Variants in HSD17B4 observed in about 807,000 individuals in gnomAD.
HSD17B4 encodes hydroxysteroid 17-beta dehydrogenase 4, also known as peroxisomal multifunctional enzyme type 2.
A neutral mutation model predicts 101.0 loss-of-function variants in HSD17B4; 70 were observed. That is an observed-to-expected ratio of 0.69 (90% CI 0.57 to 0.85). HSD17B4 has a LOEUF of 0.85. Ranked by LOEUF, HSD17B4 falls within the 40% of genes least tolerant of loss-of-function variation. The pLI is 0.00. For missense variants in HSD17B4, 984 were observed against 892.4 expected, an observed-to-expected ratio of 1.10 and a Z score of -1.31; for synonymous variants, 347 against 297.1, an observed-to-expected ratio of 1.17 and a Z score of -1.73.
intron 8 of HSD17B4, among the ~76,000 whole-genome samples, chr5:119,481,447 A>G (rs1194408895): frequency 6.6e-6 from 1 of 152,128 alleles, no homozygotes; most frequent in Non-Finnish European, 1.5e-5. Context: ...TTCTTTCAAC[A>G]CTTTAAATAC....
rs563182715 is a variant in HSD17B4, at chr5:119,471,661, A to G, written c.113-2247A>G. On this transcript the variant is annotated intron_variant, in intron 2 of 23. Coordinates refer to ENST00000510025, the MANE Select transcript of HSD17B4 (RefSeq NM_000414.4). ...CTTTCAAAATCTATGCAATAACCCT[A>G]TGGAGAAGATCATTTCACAATGCAG... 8.2e-6 allele frequency: 12 copies of G among 1,462,250 alleles called. No homozygotes were observed. The South Asian group carries it at 1.1e-4, about 13-fold the overall frequency. 90.6% of individuals were successfully genotyped at this position (1,462,250 alleles called of 1,614,324 possible). A position where few individuals can be genotyped will look rare whatever the true frequency, so the allele number is the denominator to read the frequency against.
chr5:119,476,079 A>T (rs1188968596), intron 6 of HSD17B4, among the ~76,000 whole-genome samples: 1 of 152,186 alleles, frequency 6.6e-6, no homozygotes, highest in Non-Finnish European at 1.5e-5. Context: ...ATGTTAAATC[A>T]TTTGTTTAGA....
At chr5:119,513,142 T>A (rs1752321890) in intron 16 of HSD17B4, among the ~76,000 whole-genome samples, 1 of 152,224 alleles carries the variant, frequency 6.6e-6, no homozygotes, top group Admixed American at 6.5e-5. Flanking sequence ...TGAAGTTGTA[T>A]CTATTCACAG....
chr5:119,452,738 G>A lies in HSD17B4; in HGVS notation c.58+105G>A, dbSNP rs78611678. 5,858 of 1,599,392 alleles carry A rather than the reference G, an allele frequency of 3.7e-3. 14 individuals are homozygous for A. Among genetic ancestry groups the A allele is most frequent in the Middle Eastern group, 7.1e-3 (43 of 6,024 alleles). On this transcript the variant is annotated intron_variant, in intron 1 of 23. Transcript: ENST00000510025. ...GCCGCAGCTGAGGTCACCCCGCTGA[G>A]GTGGTGGGGAGGGGAATGGTTATTC...
At chr5:119,467,809 C>T (rs1052023245) in intron 2 of HSD17B4, among the ~76,000 whole-genome samples, 24 of 152,260 alleles carry the variant, frequency 1.6e-4, no homozygotes, top group African/African-American at 5.8e-4. Flanking sequence ...GTGGAGTGTC[C>T]TGGAACAAAT....
intron 14 of HSD17B4, 91 bp downstream of exon 14, chr5:119,502,183 G>A (rs778390811): frequency 1.2e-6 from 1 of 842,006 alleles, no homozygotes; most frequent in East Asian, 2.4e-5. Context: ...CTGGTATAGA[G>A]TGACCTAATG....
rs192545941 is a variant in HSD17B4 at position 119,505,961 on chromosome 5, G to T, written c.1262-857G>T. ...TTGATGTTTGAAATTTAGCGATTCC[G>T]GTATTCTGACTGCTTTTACTGTTGA... On this transcript the variant is annotated intron_variant, in intron 14 of 23. Coordinates refer to ENST00000510025, the MANE Select transcript of HSD17B4 (RefSeq NM_000414.4). 2.4e-3 allele frequency among the ~76,000 whole-genome samples: 360 copies of T among 152,030 alleles called. 2 individuals carry two copies. The highest frequency in any genetic ancestry group is 0.018 in the South Asian group (85 of 4,806).
At chr5:119,476,858 C>A (rs1748636668) in intron 6 of HSD17B4, 1 of 239,078 alleles carries the variant, frequency 4.2e-6, no homozygotes, top group Non-Finnish European at 6.8e-6. Flanking sequence ...TTTGTTTTAC[C>A]AAAAATAAGT....
chr5:119,489,134 T>A, intron 8 of HSD17B4, 58 bp from the exon 9 acceptor site: 1 of 1,174,974 alleles, frequency 8.5e-7, no homozygotes, highest in Non-Finnish European at 1.3e-6. Flanking sequence ...ATTTTATAAG[T>A]AAGAAATTCT....
intron 17 of HSD17B4, among the ~76,000 whole-genome samples, chr5:119,516,756 A>T (rs1384427596): frequency 6.6e-6 from 1 of 152,222 alleles, no homozygotes; most frequent in Non-Finnish European, 1.5e-5. Context: ...AGTGTCATCT[A>T]TTGTCAAGGA....
chr5:119,525,999 T>C lies in HSD17B4; in HGVS notation c.1656T>C (p.Asp552=). The C allele has an allele frequency of 6.2e-7, 1 of 1,602,404 alleles. No homozygotes were observed. Among genetic ancestry groups the C allele is most frequent in the Non-Finnish European group, 8.6e-7 (1 of 1,169,546 alleles). Residue 552 remains aspartate, a synonymous_variant, in exon 19 of 24, where the codon GAT becomes GAC. Coordinates refer to ENST00000510025, the MANE Select transcript of HSD17B4 (RefSeq NM_000414.4). ...TGTTACAGCAGTTTGCAGATAATGA[T>C]GTGTCAAGATTCAAGGCAATTAAGG... The part of the protein sequence containing the change: ...RRVLQQFADN[D]VSRFKAIKAR...
intron 22 of HSD17B4, 96 bp downstream of exon 22, chr5:119,531,500 T>A (rs1052085506): frequency 1.3e-5 from 16 of 1,269,040 alleles, no homozygotes; most frequent in Non-Finnish European, 1.7e-5. Flanking sequence ...TAGGTAAATC[T>A]TACCTTTTTA....
intron 20 of HSD17B4, among the ~76,000 whole-genome samples, chr5:119,528,482 AC>A (rs1297919995): frequency 6.6e-6 from 1 of 152,078 alleles, no homozygotes; most frequent in Non-Finnish European, 1.5e-5. Flanking sequence ...ACAGTCTCTT[AC>A]TATTCCCCAC....
intron 6 of HSD17B4, chr5:119,476,803 CT>C: frequency 1.8e-6 from 1 of 566,542 alleles, no homozygotes; most frequent in Non-Finnish European, 2.2e-6. Context: ...TTTTTAGTTC[CT>C]TTTTTCACTC....
At position 119,452,572 on chromosome 5, in the gene HSD17B4, A is replaced by T. The variant is rs761293452; in HGVS notation, c.-4A>T. ...TCGTGTGTGTGTCGTTGCAGGCCTT[A>T]TTCATGGGCTCACCGCTGAGGTTCG... On this transcript the variant is annotated 5_prime_UTR_variant, in exon 1 of 24. Transcript: ENST00000510025. The T allele has an allele frequency of 3.7e-6, 6 of 1,613,934 alleles. No homozygotes were observed. The highest frequency in any genetic ancestry group is 5.1e-6 in the Non-Finnish European group (6 of 1,179,956).
intron 2 of HSD17B4, among the ~76,000 whole-genome samples, chr5:119,470,230 C>T (rs965699349): frequency 2.0e-5 from 3 of 151,598 alleles, no homozygotes; most frequent in Non-Finnish European, 2.9e-5. Context: ...TGCATGGACT[C>T]AGGTGCTGAG....
At chr5:119,515,944 T>C (rs1286446166) in intron 17 of HSD17B4, among the ~76,000 whole-genome samples, 1 of 152,180 alleles carries the variant, frequency 6.6e-6, no homozygotes. Context: ...TTAAATAATA[T>C]GCACAACAAA....
chr5:119,483,431 C>T (rs895922968), intron 8 of HSD17B4, among the ~76,000 whole-genome samples: 1 of 152,130 alleles, frequency 6.6e-6, no homozygotes, highest in African/African-American at 2.4e-5. Flanking sequence ...GAAGTAACAA[C>T]TTCCAAGCTC....
At chr5:119,538,674 G>A (rs1203086206) in intron 23 of HSD17B4, among the ~76,000 whole-genome samples, 1 of 152,064 alleles carries the variant, frequency 6.6e-6, no homozygotes, top group Non-Finnish European at 1.5e-5. Flanking sequence ...GCTAATTCTA[G>A]TTATTTTGTT....
Sources: allele counts gnomAD v4.1 joint callset (sites outside exome capture counted in the v4.1 genomes callset), GRCh38; gene constraint gnomAD v4.1.1; transcripts MANE v1.5; gene names NCBI Gene and HGNC (gene_info 2026-07-23, HGNC 2026-07-21).